ANKRD40CL: variants seen among roughly 807,000 people sequenced by gnomAD.
The protein encoded by ANKRD40CL is ANKRD40 C-terminal like.
For synonymous variants in ANKRD40CL, 5 were observed against 2.3 expected (o/e 2.14, Z -1.04); for missense variants, 11 against 6.4 (o/e 1.71, Z -0.77).
In ANKRD40CL at chr17:50,766,950, C is replaced by T. The variant is rs763514751; in HGVS notation, c.-37G>A. 5.8e-5 allele frequency: 41 copies of T among 702,112 alleles called. No homozygotes were observed. The highest frequency in any genetic ancestry group is 5.8e-4 in the South Asian group (39 of 67,586). 43.5% of individuals were successfully genotyped at this position (702,112 alleles called of 1,614,324 possible). A position where few individuals can be genotyped will look rare whatever the true frequency, so the allele number is the denominator to read the frequency against. ...AGTCCGTCAGATGTGCAGCCCCTCT[C>T]GCATTTATGCACAAGCTCCCAACCA... On this transcript the variant is annotated 5_prime_UTR_variant, in exon 2 of 4. Transcript: ENST00000450727.
In ANKRD40CL at chr17:50,761,400, G is replaced by C. The variant is rs1037452124; in HGVS notation, c.308C>G (p.Pro103Arg). ...TTTTGCAGCTTTGCTATCATAGCAG[G>C]GCCTTTCTGTCAGAGATGGCACATA... ...TEYVPSLTER[P>R]CYDSKAAKMT... Residue 103 changes from proline (P) to arginine (R), a missense_variant, in exon 4 of 4, where the codon CCC (proline) becomes CGC (arginine). By Grantham distance (103) the Pro-to-Arg change is moderately radical. Transcript: ENST00000450727. The C allele has an allele frequency of 2.5e-6, 1 of 398,722 alleles. No individual in the cohort carries two copies. Among genetic ancestry groups the C allele is most frequent in the East Asian group, 3.6e-5 (1 of 28,058 alleles). The allele number at this position is 398,722 out of a possible 1,614,324, so 24.7% of individuals were successfully genotyped here. A position where few individuals can be genotyped will look rare whatever the true frequency, so the allele number is the denominator to read the frequency against.
chr17:50,767,039 C>A lies in ANKRD40CL; in HGVS notation c.-98-28G>T, dbSNP rs1038257968. The A allele has an allele frequency of 1.0e-5, 7 of 695,282 alleles. No homozygotes were observed. In the Admixed American group the frequency reaches 1.2e-4, roughly 12 times the overall value. The allele number at this position is 695,282 out of a possible 1,614,324, so 43.1% of individuals were successfully genotyped here. ...GCAAGGTAACAACAGTGTGTTCTTG[C>A]CAGCCCAGTGAGATAGAGCAGGGTC... On this transcript the variant is annotated intron_variant, in intron 1 of 3. Coordinates refer to ENST00000450727, the MANE Select transcript of ANKRD40CL (RefSeq NM_001358683.3).
At chr17:50,763,307 T>G in intron 3 of ANKRD40CL, 90 bp downstream of exon 3, 1 of 398,766 alleles carries the variant, frequency 2.5e-6, no homozygotes, top group Non-Finnish European at 4.4e-6. Context: ...GGATTTCTGG[T>G]GTCATGAAAT....
intron 3 of ANKRD40CL, among the ~76,000 whole-genome samples, chr17:50,762,419 AAAAG>A (rs1825454666): frequency 6.6e-6 from 1 of 152,162 alleles, no homozygotes; most frequent in African/African-American, 2.4e-5. Flanking sequence ...CATTTCAAAA[AAAAG>A]AAATTAATGG....
rs2143137703 is a variant in ANKRD40CL at position 50,761,355 on chromosome 17, G to A, written c.*8C>T. ...TGAGCCACCATGCGCGGCCATTCCT[G>A]GGAGTATTTAATAAGTCATTTTTGC... On this transcript the variant is annotated 3_prime_UTR_variant, in exon 4 of 4. Coordinates refer to ENST00000450727, the MANE Select transcript of ANKRD40CL (RefSeq NM_001358683.3). 7.5e-6 allele frequency: 3 copies of A among 398,094 alleles called. No individual in the cohort carries two copies. Among genetic ancestry groups the A allele is most frequent in the Middle Eastern group, 1.3e-3 (2 of 1,586 alleles). 24.7% of individuals were successfully genotyped at this position (398,094 alleles called of 1,614,324 possible). A position where few individuals can be genotyped will look rare whatever the true frequency, so the allele number is the denominator to read the frequency against.
chr17:50,766,156 G>A (rs564566118), intron 2 of ANKRD40CL, among the ~76,000 whole-genome samples: 28 of 152,258 alleles, frequency 1.8e-4, no homozygotes, highest in African/African-American at 5.8e-4. Context: ...CTCCCCTAGT[G>A]AGCGGGGATC....
intron 2 of ANKRD40CL, among the ~76,000 whole-genome samples, chr17:50,766,190 A>G (rs1339209672): frequency 3.3e-5 from 5 of 151,936 alleles, no homozygotes; most frequent in Non-Finnish European, 5.9e-5. Flanking sequence ...TTGCCTTTCA[A>G]TTCTGGGCCC....
At chr17:50,766,652 C>T in intron 2 of ANKRD40CL, 2 of 477,166 alleles carry the variant, frequency 4.2e-6, no homozygotes, top group Non-Finnish European at 7.3e-6. Context: ...TTGTGAGCAC[C>T]AGTAATTGCT....
intron 1 of ANKRD40CL, 186 bp downstream of exon 1, chr17:50,767,277 C>G (rs1402704229): frequency 5.4e-5 from 25 of 463,860 alleles, no homozygotes; most frequent in Non-Finnish European, 9.1e-5. Flanking sequence ...CCAGCCAGAC[C>G]CGAGAAGGGG....
chr17:50,761,911 C>T (rs1971207871), intron 3 of ANKRD40CL, among the ~76,000 whole-genome samples: 1 of 152,070 alleles, frequency 6.6e-6, no homozygotes, highest in South Asian at 2.1e-4. Context: ...GTGTGAGCCA[C>T]TGCGCCCGGT....
Sources: allele counts gnomAD v4.1 joint callset (sites outside exome capture counted in the v4.1 genomes callset), GRCh38; gene constraint gnomAD v4.1.1; transcripts MANE v1.5; gene names NCBI Gene and HGNC (gene_info 2026-07-23, HGNC 2026-07-21).